Variants in RASGRF2 observed in about 807,000 individuals in gnomAD.
The protein encoded by RASGRF2 is ras-specific guanine nucleotide-releasing factor 2.
In RASGRF2, 76 loss-of-function variants were observed where a neutral mutation model predicts 151.0. That is an observed-to-expected ratio of 0.50 (90% CI 0.42 to 0.61). RASGRF2 has a LOEUF of 0.61. RASGRF2 is among the 20% of genes least tolerant of loss of function. RASGRF2 has a pLI of 0.00. For missense variants in RASGRF2, 1,148 were observed against 1,564.6 expected, an observed-to-expected ratio of 0.73 and a Z score of 4.49; for synonymous variants, 504 against 566.5, an observed-to-expected ratio of 0.89 and a Z score of 1.57.
intron 1 of RASGRF2, among the ~76,000 whole-genome samples, chr5:80,962,330 A>G (rs985833977): frequency 1.3e-5 from 2 of 152,228 alleles, no homozygotes; most frequent in African/African-American, 4.8e-5. Context: ...AGAAATATAA[A>G]CATAAATTTC....
chr5:81,167,802 G>A (rs975868294), intron 17 of RASGRF2, among the ~76,000 whole-genome samples: 1 of 152,128 alleles, frequency 6.6e-6, no homozygotes, highest in Non-Finnish European at 1.5e-5. Flanking sequence ...ACAATGACGG[G>A]GTCAGGCCGA....
chr5:81,142,437 G>A (rs1419300598), intron 17 of RASGRF2, among the ~76,000 whole-genome samples: 4 of 152,226 alleles, frequency 2.6e-5, no homozygotes, highest in Non-Finnish European at 4.4e-5. Context: ...GTCAGAGGAT[G>A]ATGGGAAGCA....
At position 81,153,869 on chromosome 5, in the gene RASGRF2, G is replaced by C. The variant is rs534284219; in HGVS notation, c.2687-26306G>C. Among the ~76,000 whole-genome samples the C allele has an allele frequency of 5.4e-5, 8 of 147,612 alleles. No homozygotes were observed. The East Asian group carries it at 1.6e-3, about 30-fold the overall frequency. ...AATTGAAAGTAAAGGAATGGAAAAAGATATTCCACGTAAAAAAAATTCATG... is the reference window on the plus strand; with the variant it reads ...AATTGAAAGTAAAGGAATGGAAAAACATATTCCACGTAAAAAAAATTCATG... On this transcript the variant is annotated intron_variant, in intron 17 of 26. Coordinates refer to ENST00000265080, the MANE Select transcript of RASGRF2 (RefSeq NM_006909.3).
intron 19 of RASGRF2, chr5:81,203,979 A>G (rs572356282): frequency 5.3e-5 from 8 of 152,370 alleles, no homozygotes; most frequent in African/African-American, 1.7e-4. Flanking sequence ...ACACAAAGAC[A>G]GTGTGGACCA....
chr5:81,189,549 G>A (rs1755108740), intron 18 of RASGRF2, among the ~76,000 whole-genome samples: 1 of 151,036 alleles, frequency 6.6e-6, no homozygotes, highest in Non-Finnish European at 1.5e-5. Context: ...GGGGGGCAGT[G>A]GTGCGATCGT....
intron 1 of RASGRF2, among the ~76,000 whole-genome samples, chr5:81,000,676 G>A (rs1027655046): frequency 6.6e-6 from 1 of 152,198 alleles, no homozygotes; most frequent in African/African-American, 2.4e-5. Flanking sequence ...CAATGCTGGT[G>A]TTTGTCAAAG....
chr5:81,098,737 C>G (rs1274557197), intron 12 of RASGRF2, among the ~76,000 whole-genome samples: 3 of 152,176 alleles, frequency 2.0e-5, no homozygotes, highest in Non-Finnish European at 2.9e-5. Context: ...GTGCTCTTGA[C>G]TGAGCCTAGC....
intron 18 of RASGRF2, among the ~76,000 whole-genome samples, chr5:81,194,251 G>A (rs987473437): frequency 6.6e-6 from 1 of 151,720 alleles, no homozygotes; most frequent in African/African-American, 2.4e-5. Flanking sequence ...AGCTACTTGG[G>A]AGGCCGAGGT....
chr5:80,994,250 C>T (rs1288469632), intron 1 of RASGRF2, among the ~76,000 whole-genome samples: 1 of 151,644 alleles, frequency 6.6e-6, no homozygotes, highest in Non-Finnish European at 1.5e-5. Context: ...CCTGTAGTCC[C>T]AGCTACTCAG....
intron 17 of RASGRF2, among the ~76,000 whole-genome samples, chr5:81,128,156 G>T (rs536330838): frequency 9.9e-5 from 15 of 152,174 alleles, no homozygotes; most frequent in African/African-American, 3.6e-4. Context: ...GCGGGGAGCT[G>T]TTTGGTAAAA....
intron 17 of RASGRF2, among the ~76,000 whole-genome samples, chr5:81,160,199 C>T (rs921278294): frequency 6.6e-6 from 1 of 152,156 alleles, no homozygotes; most frequent in African/African-American, 2.4e-5. Context: ...GCGGGTGGAT[C>T]ACCTGAGGTC....
chr5:81,149,499 G>A (rs1026121376), intron 17 of RASGRF2, among the ~76,000 whole-genome samples: 1 of 151,904 alleles, frequency 6.6e-6, no homozygotes, highest in African/African-American at 2.4e-5. Flanking sequence ...GGGGAGGAGG[G>A]GTAAAAGGCT....
At chr5:80,996,028 T>C (rs866215016) in intron 1 of RASGRF2, among the ~76,000 whole-genome samples, 2 of 152,032 alleles carry the variant, frequency 1.3e-5, no homozygotes, top group Non-Finnish European at 2.9e-5. Flanking sequence ...CTAGTGATGA[T>C]TTTGCTCATT....
chr5:81,088,808 A>G (rs923546358), intron 9 of RASGRF2, among the ~76,000 whole-genome samples: 3 of 152,214 alleles, frequency 2.0e-5, no homozygotes, highest in African/African-American at 7.2e-5. Context: ...AAATGCTGGA[A>G]GGTCAAATAC....
intron 12 of RASGRF2, among the ~76,000 whole-genome samples, chr5:81,104,652 A>G (rs1752795163): frequency 6.6e-6 from 1 of 152,094 alleles, no homozygotes; most frequent in Non-Finnish European, 1.5e-5. Flanking sequence ...TCTCTCTCAA[A>G]TTTTATGCAG....
At chr5:80,994,331 A>G (rs1053126436) in intron 1 of RASGRF2, among the ~76,000 whole-genome samples, 1 of 142,236 alleles carries the variant, frequency 7.0e-6, no homozygotes, top group Admixed American at 7.5e-5. Context: ...GCACCACTGC[A>G]CTCCAGCCTG....
At chr5:81,215,018 G>C (rs879473892) in intron 23 of RASGRF2, among the ~76,000 whole-genome samples, 17 of 152,250 alleles carry the variant, frequency 1.1e-4, no homozygotes, top group Non-Finnish European at 2.1e-4. Flanking sequence ...CATCGCAAAA[G>C]CTGTCTGACA....
chr5:81,066,576 G>A (rs1468807641), intron 2 of RASGRF2, among the ~76,000 whole-genome samples: 1 of 152,166 alleles, frequency 6.6e-6, no homozygotes, highest in Non-Finnish European at 1.5e-5. Flanking sequence ...AGGAGCCCAG[G>A]TAGCCATTAA....
chr5:81,126,123 TC>T (rs1561220163), intron 16 of RASGRF2, among the ~76,000 whole-genome samples: 1 of 152,358 alleles, frequency 6.6e-6, no homozygotes, highest in East Asian at 1.9e-4. Context: ...CAGGTCAGAA[TC>T]ACAGTGGACT....
Sources: allele counts gnomAD v4.1 joint callset (sites outside exome capture counted in the v4.1 genomes callset), GRCh38; gene constraint gnomAD v4.1.1; transcripts MANE v1.5; gene names NCBI Gene and HGNC (gene_info 2026-07-23, HGNC 2026-07-21).